MECOM: variants seen among roughly 807,000 people sequenced by gnomAD.
The protein encoded by MECOM is histone-lysine N-methyltransferase MECOM.
A neutral mutation model predicts 116.3 loss-of-function variants in MECOM; 13 were observed. The ratio of observed to expected loss-of-function variants is 0.11; its 90% CI spans 0.07 to 0.18. The LOEUF is 0.18. MECOM is among the 10% of genes least tolerant of loss of function. MECOM has a pLI of 1.00. For synonymous variants in MECOM, 528 were observed against 535.2 expected (o/e 0.99, Z 0.19); for missense variants, 1,299 against 1,509.0 (o/e 0.86, Z 2.31).
chr3:169,654,813 A>AACACAC (rs10622808), intron 1 of MECOM, among the ~76,000 whole-genome samples: 1,727 of 148,060 alleles, frequency 0.012, 12 homozygotes, highest in East Asian at 0.029. Context: ...CACCTATCAA[A>AACACAC]ACACACACAC....
At chr3:169,413,202 G>A (rs1021338846) in intron 1 of MECOM, among the ~76,000 whole-genome samples, 1 of 152,210 alleles carries the variant, frequency 6.6e-6, no homozygotes, top group Non-Finnish European at 1.5e-5. Context: ...AGCCCACAGA[G>A]GGCGAGCCGA....
At chr3:169,468,718 G>A (rs1170544140) in intron 1 of MECOM, among the ~76,000 whole-genome samples, 1 of 152,214 alleles carries the variant, frequency 6.6e-6, no homozygotes, top group East Asian at 1.9e-4. Context: ...TATCATTAAT[G>A]CATAATGGTA....
intron 2 of MECOM, among the ~76,000 whole-genome samples, chr3:169,231,780 A>T (rs1190103000): frequency 6.6e-6 from 1 of 152,080 alleles, no homozygotes; most frequent in Non-Finnish European, 1.5e-5. Context: ...ACCAGAAAAA[A>T]AAAAAAAGTG....
At chr3:169,398,169 T>C (rs1415818385) in intron 1 of MECOM, among the ~76,000 whole-genome samples, 1 of 152,212 alleles carries the variant, frequency 6.6e-6, no homozygotes, top group Admixed American at 6.5e-5. Flanking sequence ...TTTATTTATA[T>C]TTAAACAAAA....
chr3:169,144,849 A>G, intron 2 of MECOM: 1 of 657,278 alleles, frequency 1.5e-6, no homozygotes, highest in East Asian at 2.8e-5. Flanking sequence ...CTAGAACAAA[A>G]ATTATTGAAT....
rs1206733861 is a variant in MECOM at position 169,122,504 on chromosome 3, T to A, written c.978+76A>T. 8 of 1,533,712 alleles carry A rather than the reference T, an allele frequency of 5.2e-6. No individual in the cohort carries two copies. In the African/African-American group the frequency reaches 1.1e-4, roughly 21 times the overall value. The stretch of plus-strand genomic sequence containing the variant: ...TTTCCCCTCTGAAGGCTTGTTTTTA[T>A]ATATCGTAGCAAGTGATGGATTAAG... On this transcript the variant is annotated intron_variant, in intron 6 of 16. Transcript: ENST00000651503.
intron 1 of MECOM, among the ~76,000 whole-genome samples, chr3:169,385,909 A>G (rs184083512): frequency 4.3e-4 from 65 of 152,284 alleles, no homozygotes; most frequent in African/African-American, 1.5e-3. Flanking sequence ...GATAAATAAC[A>G]CTTGTAACTT....
intron 1 of MECOM, among the ~76,000 whole-genome samples, chr3:169,523,115 A>G (rs1287223423): frequency 6.6e-6 from 1 of 152,176 alleles, no homozygotes; most frequent in Non-Finnish European, 1.5e-5. Context: ...TAGAAAATGA[A>G]CAAACAAAAT....
intron 2 of MECOM, among the ~76,000 whole-genome samples, chr3:169,265,926 C>A (rs1302348965): frequency 6.6e-6 from 1 of 152,130 alleles, no homozygotes; most frequent in East Asian, 1.9e-4. Flanking sequence ...GACAGAGTAA[C>A]ATTAATGGAT....
At chr3:169,151,101 T>A (rs970458391) in intron 2 of MECOM, among the ~76,000 whole-genome samples, 7 of 152,218 alleles carry the variant, frequency 4.6e-5, no homozygotes, top group African/African-American at 1.7e-4. Flanking sequence ...GATGCCTCTT[T>A]TAAGCCTTAA....
intron 2 of MECOM, among the ~76,000 whole-genome samples, chr3:169,271,056 CAA>C (rs1259076487): frequency 1.3e-5 from 2 of 152,194 alleles, no homozygotes; most frequent in African/African-American, 4.8e-5. Context: ...TAGACAGTAA[CAA>C]AGACAAGTCC....
intron 1 of MECOM, among the ~76,000 whole-genome samples, chr3:169,421,951 G>A (rs1298804132): frequency 1.3e-5 from 2 of 152,048 alleles, no homozygotes; most frequent in Non-Finnish European, 2.9e-5. Flanking sequence ...AAAGAATTGA[G>A]GGTTTAACTT....
chr3:169,245,509 AAATT>A (rs1341710752), intron 2 of MECOM, among the ~76,000 whole-genome samples: 2 of 152,210 alleles, frequency 1.3e-5, no homozygotes, highest in Non-Finnish European at 2.9e-5. Flanking sequence ...GGGTGGTAGA[AAATT>A]AATTAGTTTT....
At chr3:169,625,146 C>T (rs1344881339) in intron 1 of MECOM, among the ~76,000 whole-genome samples, 1 of 152,038 alleles carries the variant, frequency 6.6e-6, no homozygotes, top group South Asian at 2.1e-4. Flanking sequence ...CATAGTGGCC[C>T]AAAGGCAATT....
intron 1 of MECOM, among the ~76,000 whole-genome samples, chr3:169,565,134 G>T (rs763075021): frequency 6.6e-6 from 1 of 152,154 alleles, no homozygotes; most frequent in Non-Finnish European, 1.5e-5. Flanking sequence ...GCTGCCCAAG[G>T]TTACACAGTG....
chr3:169,472,547 G>GAAAA (rs1749574288), intron 1 of MECOM, among the ~76,000 whole-genome samples: 6 of 63,478 alleles, frequency 9.5e-5, no homozygotes, highest in East Asian at 4.2e-4. Context: ...GGAAAGGAAA[G>GAAAA]GAAAAGAAAA....
chr3:169,615,548 A>G (rs976228530), intron 1 of MECOM, among the ~76,000 whole-genome samples: 2 of 152,220 alleles, frequency 1.3e-5, no homozygotes, highest in Non-Finnish European at 2.9e-5. Context: ...TCAAAAATCC[A>G]TAAGATTACT....
At chr3:169,378,554 GA>G (rs1351691708) in intron 2 of MECOM, among the ~76,000 whole-genome samples, 2 of 137,232 alleles carry the variant, frequency 1.5e-5, no homozygotes, top group Admixed American at 1.4e-4. Flanking sequence ...AAGAAAGAAA[GA>G]AAGAAAGAAA....
intron 1 of MECOM, among the ~76,000 whole-genome samples, chr3:169,583,512 C>G (rs527888502): frequency 6.6e-6 from 1 of 152,260 alleles, no homozygotes; most frequent in South Asian, 2.1e-4. Context: ...AACTGCCCAT[C>G]ACATTCCAAA....
Sources: gnomAD v4.1 joint callset for allele counts (sites outside exome capture counted in the v4.1 genomes callset) on GRCh38, gnomAD v4.1.1 for gene constraint, MANE v1.5 for transcripts, NCBI Gene and HGNC (gene_info 2026-07-23, HGNC 2026-07-21) for gene names.